The following INO80D variants were observed in gnomAD, a reference collection of about 807,000 sequenced individuals.
INO80D encodes the protein INO80 complex subunit D.
In INO80D, 21 loss-of-function variants were observed where a neutral mutation model predicts 87.6. That is an observed-to-expected ratio of 0.24 (90% CI 0.17 to 0.35). The LOEUF (loss-of-function observed/expected upper bound fraction) is 0.35. Among genes scored for constraint, INO80D ranks in the 10% least tolerant of loss-of-function variants. The probability of loss-of-function intolerance (pLI) is 1.00; values close to 1 mark genes in which losing one functional copy is unlikely to be tolerated. For synonymous variants in INO80D, 440 were observed against 491.0 expected (o/e 0.90, Z 1.37); for missense variants, 982 against 1,280.7 (o/e 0.77, Z 3.56).
In INO80D at chr2:206,036,292, C is replaced by T. The variant is rs754189124; in HGVS notation, c.1074-7957G>A. 3.9e-5 allele frequency among the ~76,000 whole-genome samples: 6 copies of T among 152,162 alleles called. No homozygotes were observed. In the South Asian group the frequency reaches 6.2e-4, roughly 16 times the overall value. On this transcript the variant is annotated intron_variant, in intron 5 of 10. Transcript: ENST00000403263. The stretch of plus-strand genomic sequence containing the variant: ...TATGCAAAAAAGATACTTGCACACA[C>T]ATTTATAGTAGCACAATTCGCAACT...
At chr2:206,072,846 C>CTTT (rs35269123) in intron 1 of INO80D, among the ~76,000 whole-genome samples, 100 of 143,866 alleles carry the variant, frequency 7.0e-4, no homozygotes, top group East Asian at 4.2e-3. Context: ...ACTTTCTTCT[C>CTTT]TTTTTTTTTT....
At chr2:206,020,301 T>G (rs1688425709) in intron 6 of INO80D, among the ~76,000 whole-genome samples, 1 of 152,188 alleles carries the variant, frequency 6.6e-6, no homozygotes, top group Non-Finnish European at 1.5e-5. Flanking sequence ...TACCTTGAGC[T>G]GGCAGGGTTG....
In INO80D at chr2:206,009,641, C is replaced by A; in HGVS notation, c.1696G>T (p.Val566Phe). 1 of 1,613,948 alleles carries A rather than the reference C, an allele frequency of 6.2e-7. No homozygotes were observed. Among genetic ancestry groups the A allele is most frequent in the Non-Finnish European group, 8.5e-7 (1 of 1,179,876 alleles). Residue 566 changes from valine to phenylalanine, a missense_variant, in exon 9 of 11, where the codon GTC becomes TTC. Transcript: ENST00000403263. ...GGCATGCTGAGGTTCCCTTGGGGGA[C>A]TGCAGGTGGAATGGGTTTTTGGGGT... ...RRPQKPIPPAVPQGNLSMPAS... is the reference protein window; with the variant it reads ...RRPQKPIPPAFPQGNLSMPAS...
At chr2:206,005,622 T>C (rs1688003191) in intron 10 of INO80D, 89 bp from the exon 11 acceptor site, 2 of 1,077,758 alleles carry the variant, frequency 1.9e-6, no homozygotes, top group African/African-American at 3.2e-5. Flanking sequence ...TTAAACAATA[T>C]TCGATTTAAA....
Position 206,017,855 on chromosome 2 carries a change from A to G in INO80D, c.1409-42T>C, listed in dbSNP as rs755896980. On this transcript the variant is annotated intron_variant, in intron 7 of 10. Transcript: ENST00000403263. ...TAGGAGTAAAATACACTGAAACTCT[A>G]ATTTTTCAATTTCTATATAAAATTT... 6.5e-6 allele frequency: 10 copies of G among 1,549,352 alleles called. No homozygotes were observed. The South Asian group carries it at 1.1e-4, about 17-fold the overall frequency.
rs1316665199 is a variant in INO80D, at chr2:206,063,219, C to T, written c.-98G>A. 5 of 570,454 alleles carry T rather than the reference C, an allele frequency of 8.8e-6. No individual in the cohort carries two copies. The highest frequency in any genetic ancestry group is 3.7e-5 in the Admixed American group (1 of 27,106). The allele number at this position is 570,454 out of a possible 1,614,324, so 35.3% of individuals were successfully genotyped here. On this transcript the variant is annotated 5_prime_UTR_variant, in exon 2 of 11. Transcript: ENST00000403263. ...CCAAGGATACCACAGTTTGGAATGC[C>T]GCAGAATCAGGATGAAGCAGATTGT...
At chr2:206,032,276 G>T (rs1688789695) in intron 5 of INO80D, among the ~76,000 whole-genome samples, 1 of 152,184 alleles carries the variant, frequency 6.6e-6, no homozygotes, top group Non-Finnish European at 1.5e-5. Flanking sequence ...CTGGGAGGCA[G>T]GTAGCCTCGG....
chr2:206,025,542 A>AAAAAAAAAAAAAAAAAAAAAAAATAT (rs71301548), intron 6 of INO80D: 2 of 76,926 alleles, frequency 2.6e-5, no homozygotes, highest in Non-Finnish European at 2.6e-5. Context: ...AAAAAAAAAA[A>AAAAAAAAAAAAAAAAAAAAAAAATAT]ATATATATAT....
rs766843612 is a variant in INO80D, at chr2:206,062,879, G to A, written c.138C>T (p.Ala46=). The part of the protein sequence containing the change: ...CIRHVLEDKT[A]PFKQCEYVAK... ...CCACATATTCACATTGCTTGAAGGG[G>A]GCAGTCTTGTCCTCCAGAACGTGTC... The change falls in exon 3 of 11, where the codon GCC becomes GCT. Residue 46 remains alanine (A), a synonymous_variant. Transcript: ENST00000403263. This position sits in a 1 kb window ranked among gnomAD's most constrained non-coding sequence, Gnocchi z 4.6. 3 of 1,613,236 alleles carry A rather than the reference G, an allele frequency of 1.9e-6. No individual in the cohort carries two copies. The highest frequency in any genetic ancestry group is 1.7e-5 in the Admixed American group (1 of 59,676).
At chr2:206,064,305 G>A (rs1418520054) in intron 1 of INO80D, among the ~76,000 whole-genome samples, 2 of 152,136 alleles carry the variant, frequency 1.3e-5, no homozygotes, top group Non-Finnish European at 2.9e-5. Context: ...ACACCATCTA[G>A]TCTATCATGA....
In INO80D at chr2:205,999,155, C is replaced by T. The variant is rs1280956329; in HGVS notation, c.*5213G>A. ...AGGGGAACTTTGGGTGCATACAGAG[C>T]TTACTTCAGTGGTCCCCAGCTTAAA... On this transcript the variant is annotated 3_prime_UTR_variant, in exon 11 of 11. Coordinates refer to ENST00000403263, the MANE Select transcript of INO80D (RefSeq NM_017759.5). 6.6e-6 allele frequency: 1 copy of T among 152,212 alleles called. No individual in the cohort carries two copies. The highest frequency in any genetic ancestry group is 1.5e-5 in the Non-Finnish European group (1 of 68,096). The allele number at this position is 152,212 out of a possible 1,614,324, so 9.4% of individuals were successfully genotyped here.
intron 6 of INO80D, among the ~76,000 whole-genome samples, chr2:206,026,254 A>G (rs747011749): frequency 1.2e-4 from 19 of 152,138 alleles, no homozygotes; most frequent in Middle Eastern, 3.2e-3. Context: ...TTCAGTTAAA[A>G]GTAATAACCA....
intron 7 of INO80D, among the ~76,000 whole-genome samples, chr2:206,018,037 A>C (rs1317434712): frequency 3.9e-5 from 6 of 152,256 alleles, no homozygotes; most frequent in African/African-American, 1.2e-4. Flanking sequence ...CCCTGGCACC[A>C]GTCTCCTTAA....
At chr2:206,060,472 C>T (rs139341862) in intron 3 of INO80D, among the ~76,000 whole-genome samples, 11,718 of 148,882 alleles carry the variant, frequency 0.079, 694 homozygotes, top group Admixed American at 0.19. Context: ...GCAGAGGTTG[C>T]AGTGAGCCAA....
At chr2:206,029,738 A>T (rs972268997) in intron 5 of INO80D, among the ~76,000 whole-genome samples, 1 of 152,188 alleles carries the variant, frequency 6.6e-6, no homozygotes, top group African/African-American at 2.4e-5. Context: ...CATTTATTCA[A>T]CATTCAACAT....
intron 6 of INO80D, among the ~76,000 whole-genome samples, chr2:206,022,862 T>G (rs2006988): frequency 0.059 from 9,051 of 152,120 alleles, 397 homozygotes; most frequent in Non-Finnish European, 0.095. Flanking sequence ...TACAGGCGCA[T>G]GCCACCACAC....
chr2:206,004,239 G>C lies in INO80D; in HGVS notation c.*129C>G. The C allele has an allele frequency of 1.2e-6, 1 of 841,804 alleles. No individual in the cohort carries two copies. The allele number at this position is 841,804 out of a possible 1,614,324, so 52.1% of individuals were successfully genotyped here. ...CCACTGCAGGGCCACTCATTGAACT[G>C]GGAAGGGGGGTGCCCCTCTGATCCC... On this transcript the variant is annotated 3_prime_UTR_variant, in exon 11 of 11. Coordinates refer to ENST00000403263, the MANE Select transcript of INO80D (RefSeq NM_017759.5). This position sits in a 1 kb window ranked among gnomAD's most constrained non-coding sequence, Gnocchi z 4.9.
chr2:205,998,472 A>G lies in INO80D; in HGVS notation c.*5896T>C, dbSNP rs1156743708. 6.9e-6 allele frequency: 1 copy of G among 143,910 alleles called. No homozygotes were observed. The highest frequency in any genetic ancestry group is 2.0e-4 in the East Asian group (1 of 5,048). 8.9% of individuals were successfully genotyped at this position (143,910 alleles called of 1,614,324 possible). On this transcript the variant is annotated 3_prime_UTR_variant, in exon 11 of 11. Coordinates refer to ENST00000403263, the MANE Select transcript of INO80D (RefSeq NM_017759.5). ...TGTCAAAAAAAAAAAAAAAAAAAAA[A>G]GCTCATATATATTTAGCTATTAAAC... is the stretch of plus-strand genomic sequence containing the variant.
intron 5 of INO80D, among the ~76,000 whole-genome samples, chr2:206,031,211 G>A (rs1397340662): frequency 3.3e-5 from 5 of 150,430 alleles, no homozygotes; most frequent in Admixed American, 6.6e-5. Context: ...CCAAGATCAC[G>A]CCAGTGCACT....
Sources: allele counts gnomAD v4.1 joint callset (sites outside exome capture counted in the v4.1 genomes callset), GRCh38; gene constraint gnomAD v4.1.1; non-coding constraint Gnocchi (gnomAD v3.1); transcripts MANE v1.5; gene names NCBI Gene and HGNC (gene_info 2026-07-23, HGNC 2026-07-21).